Variants in ESCO1 observed in about 807,000 individuals in gnomAD.
The protein encoded by ESCO1 is establishment of sister chromatid cohesion N-acetyltransferase 1.
ESCO1 carries 33 observed loss-of-function variants against 83.5 expected under a neutral mutation model. The observed-to-expected ratio is 0.40, with a 90% CI of 0.30 to 0.53. The LOEUF is 0.53. Ranked by LOEUF, ESCO1 falls within the 20% of genes least tolerant of loss-of-function variation. The pLI is 0.63. For missense variants in ESCO1, 855 were observed against 968.0 expected, an observed-to-expected ratio of 0.88 and a Z score of 1.55; for synonymous variants, 332 against 324.3, an observed-to-expected ratio of 1.02 and a Z score of -0.25.
chr18:21,586,593 T>C (rs144995938), intron 1 of ESCO1, among the ~76,000 whole-genome samples: 1 of 152,246 alleles, frequency 6.6e-6, no homozygotes, highest in Non-Finnish European at 1.5e-5. Context: ...ACATTGATCT[T>C]GTGTCCTGTA....
At chr18:21,556,866 G>A (rs6508479) in intron 8 of ESCO1, among the ~76,000 whole-genome samples, 149,781 of 152,200 alleles carry the variant, frequency 0.98, 73,742 homozygotes, top group East Asian at 1. Context: ...ACACCCAACT[G>A]ATTTTTGTAT....
At chr18:21,600,339 G>A (rs1274057188) in intron 1 of ESCO1, among the ~76,000 whole-genome samples, 1 of 152,364 alleles carries the variant, frequency 6.6e-6, no homozygotes, top group East Asian at 1.9e-4. Flanking sequence ...CGGCGGTCAC[G>A]ACCCCTTATG....
Position 21,574,840 on chromosome 18 carries a change from T to A in ESCO1, c.4A>T (p.Met2Leu). ...TCTTTTGATTTCTCCTGAATGGACA[T>A]CATTCCTGAGTAATGACTTTCTTTT... M[M>L]SIQEKSKENS... The change falls in exon 4 of 12, where the codon ATG (methionine) becomes TTG (leucine). Residue 2 changes from methionine (M) to leucine (L), a missense_variant. Met to Leu is a conservative substitution (Grantham distance 15). Coordinates refer to ENST00000269214, the MANE Select transcript of ESCO1 (RefSeq NM_052911.3). The A allele has an allele frequency of 1.3e-6, 2 of 1,580,376 alleles. No individual in the cohort carries two copies. The highest frequency in any genetic ancestry group is 2.3e-5 in the South Asian group (2 of 86,624).
chr18:21,552,774 G>C (rs531903033), intron 8 of ESCO1, among the ~76,000 whole-genome samples: 2 of 152,138 alleles, frequency 1.3e-5, no homozygotes, highest in Non-Finnish European at 2.9e-5. Flanking sequence ...TGCTGAACTG[G>C]ACATCTACAT....
Position 21,530,385 on chromosome 18 carries a change from T to C in ESCO1, c.2481A>G (p.Gln827=), listed in dbSNP as rs1178020982. The part of the protein sequence containing the change: ...LFATQYCGTG[Q]FLVYNFINGQ... Reference sequence around the variant, plus strand: ...CATTAATAAAATTATATACCAGAAATTGACCAGTGCCACAGTACTGTGTTG... The same window carrying C: ...CATTAATAAAATTATATACCAGAAACTGACCAGTGCCACAGTACTGTGTTG... Residue 827 remains glutamine, a synonymous_variant, in exon 12 of 12, where the codon CAA becomes CAG. Coordinates refer to ENST00000269214, the MANE Select transcript of ESCO1 (RefSeq NM_052911.3). 1 of 1,606,064 alleles carries C rather than the reference T, an allele frequency of 6.2e-7. No homozygotes were observed. Among genetic ancestry groups the C allele is most frequent in the East Asian group, 2.2e-5 (1 of 44,722 alleles).
At chr18:21,596,462 C>T (rs919376654) in intron 1 of ESCO1, among the ~76,000 whole-genome samples, 1 of 152,038 alleles carries the variant, frequency 6.6e-6, no homozygotes, top group African/African-American at 2.4e-5. Flanking sequence ...GATATATCAC[C>T]AGTGCTTAAG....
At chr18:21,598,664 T>TG (rs1254165663) in intron 1 of ESCO1, among the ~76,000 whole-genome samples, 1 of 151,600 alleles carries the variant, frequency 6.6e-6, no homozygotes, top group Non-Finnish European at 1.5e-5. Context: ...ATCTCGCCAC[T>TG]GCCCTCCAGC....
At chr18:21,539,847 C>G (rs2037881130) in intron 9 of ESCO1, 73 bp downstream of exon 9, 1 of 1,275,150 alleles carries the variant, frequency 7.8e-7, no homozygotes, top group Non-Finnish European at 1.1e-6. Context: ...GACCCTGTCT[C>G]AGGGTAAAAA....
At position 21,575,241 on chromosome 18, in the gene ESCO1, T is replaced by G; in HGVS notation, c.-398A>C. ...GGAGTTATTTATCAGTGACCTGTTT[T>G]GATAAAATTTTTGAAAACTTTTTTC... On this transcript the variant is annotated 5_prime_UTR_variant, in exon 4 of 12. Transcript: ENST00000269214. 2.6e-6 allele frequency: 1 copy of G among 386,928 alleles called. No homozygotes were observed. The highest frequency in any genetic ancestry group is 4.6e-6 in the Non-Finnish European group (1 of 219,188). The allele number at this position is 386,928 out of a possible 1,614,324, so 24.0% of individuals were successfully genotyped here. A position where few individuals can be genotyped will look rare whatever the true frequency, so the allele number is the denominator to read the frequency against.
chr18:21,585,057 C>T (rs1211476973), intron 1 of ESCO1, among the ~76,000 whole-genome samples: 1 of 149,780 alleles, frequency 6.7e-6, no homozygotes, highest in African/African-American at 2.5e-5. Context: ...CAGAGAACTG[C>T]TTGAACCCGG....
At chr18:21,580,815 C>G (rs918052991) in intron 2 of ESCO1, among the ~76,000 whole-genome samples, 2 of 151,836 alleles carry the variant, frequency 1.3e-5, no homozygotes, top group Non-Finnish European at 2.9e-5. Context: ...CAAGGAGGAA[C>G]CCCCGTCTCT....
At chr18:21,566,838 G>A (rs1375169790) in intron 5 of ESCO1, among the ~76,000 whole-genome samples, 2 of 150,534 alleles carry the variant, frequency 1.3e-5, no homozygotes, top group East Asian at 3.9e-4. Context: ...CCAGCCTGGA[G>A]GACAGAGCAA....
At position 21,573,393 on chromosome 18, in the gene ESCO1, T is replaced by C; in HGVS notation, c.1451A>G (p.His484Arg). 1.9e-6 allele frequency: 3 copies of C among 1,609,894 alleles called. No homozygotes were observed. In the South Asian group the frequency reaches 3.3e-5, roughly 18 times the overall value. ...KTTERAPENC[H>R]LANEIKPSDP... ...AGAAGGTTTTATCTCATTGGCCAAATGACAATTTTCAGGAGCCCTTTCTGT... is the reference window on the plus strand; with the variant it reads ...AGAAGGTTTTATCTCATTGGCCAAACGACAATTTTCAGGAGCCCTTTCTGT... Residue 484 changes from histidine to arginine, a missense_variant, in exon 4 of 12, where the codon CAT (histidine) becomes CGT (arginine). This residue lies in a region of ESCO1 where 726 missense variants were observed against 699.5 expected (regional missense o/e 1.04). Transcript: ENST00000269214.
chr18:21,541,080 T>C (rs2037899623), intron 8 of ESCO1, among the ~76,000 whole-genome samples: 1 of 152,098 alleles, frequency 6.6e-6, no homozygotes, highest in South Asian at 2.1e-4. Context: ...GGAACAAAAA[T>C]TCTAGGTAAT....
In ESCO1 at chr18:21,532,334, C is replaced by T; in HGVS notation, c.2375+139G>A. On this transcript the variant is annotated intron_variant, in intron 11 of 11. Transcript: ENST00000269214. Reference sequence around the variant, plus strand: ...ATAAAAAGTACTTACAGATCCAATACACTGATAACCTCATGCAAAATTTGT... The same window carrying T: ...ATAAAAAGTACTTACAGATCCAATATACTGATAACCTCATGCAAAATTTGT... 3.6e-6 allele frequency: 3 copies of T among 840,026 alleles called. No individual in the cohort carries two copies. In the South Asian group the frequency reaches 6.1e-5, roughly 17 times the overall value. The allele number at this position is 840,026 out of a possible 1,614,324, so 52.0% of individuals were successfully genotyped here. A position where few individuals can be genotyped will look rare whatever the true frequency, so the allele number is the denominator to read the frequency against.
chr18:21,577,344 T>G (rs1308038489), intron 2 of ESCO1, among the ~76,000 whole-genome samples: 8 of 93,608 alleles, frequency 8.5e-5, no homozygotes, highest in African/African-American at 1.8e-4. Context: ...GCAACAAGAG[T>G]GAGACTCCAT....
At chr18:21,600,270 G>A (rs1290437356) in intron 1 of ESCO1, among the ~76,000 whole-genome samples, 1 of 152,248 alleles carries the variant, frequency 6.6e-6, no homozygotes, top group Non-Finnish European at 1.5e-5. Context: ...ATGGCTGCGC[G>A]CCACCTCGGG....
Position 21,573,323 on chromosome 18 carries a change from T to C in ESCO1, c.1521A>G (p.Ala507=), listed in dbSNP as rs199793452. The C allele has an allele frequency of 2.3e-5, 36 of 1,571,048 alleles. No homozygotes were observed. The highest frequency in any genetic ancestry group is 2.9e-5 in the Non-Finnish European group (34 of 1,166,898). ...DNQMKHSFDS[A]SNKNFSQCLE... ...AATAAAAACAGATTACCTTATTTGA[T>C]GCTGAATCAAAAGAATGTTTCATCT... is the stretch of plus-strand genomic sequence containing the variant. Residue 507 remains alanine, a synonymous_variant, in exon 4 of 12, where the codon GCA becomes GCG. Coordinates refer to ENST00000269214, the MANE Select transcript of ESCO1 (RefSeq NM_052911.3).
chr18:21,599,026 T>C (rs2038802837), intron 1 of ESCO1, among the ~76,000 whole-genome samples: 1 of 151,420 alleles, frequency 6.6e-6, no homozygotes, highest in African/African-American at 2.4e-5. Flanking sequence ...TTCCATTGAT[T>C]AGATTTTTTG....
Sources: allele counts gnomAD v4.1 joint callset (sites outside exome capture counted in the v4.1 genomes callset), GRCh38; gene constraint gnomAD v4.1.1; regional missense constraint gnomAD v4.1.1; transcripts MANE v1.5; gene names NCBI Gene and HGNC (gene_info 2026-07-23, HGNC 2026-07-21).